Variants in CLIC6 observed in about 807,000 individuals in gnomAD.
CLIC6 encodes the protein chloride intracellular channel protein 6.
Under a neutral mutation model 49.2 loss-of-function variants are expected in CLIC6, and 39 were observed. The observed-to-expected ratio is 0.79, with a 90% CI of 0.61 to 1.04. CLIC6 has a LOEUF of 1.04. Ranked by LOEUF, CLIC6 falls within the 50% of genes least tolerant of loss-of-function variation. The pLI is 0.00. For missense variants in CLIC6, 988 were observed against 993.1 expected (o/e 0.99, Z 0.07); for synonymous variants, 446 against 433.4 (o/e 1.03, Z -0.36).
chr21:34,703,155 C>T (rs1227609195), intron 1 of CLIC6, among the ~76,000 whole-genome samples: 1 of 152,162 alleles, frequency 6.6e-6, no homozygotes, highest in Non-Finnish European at 1.5e-5. Context: ...TTTCCTGCCT[C>T]CTCGGTTGAA....
In CLIC6 at chr21:34,673,278, T is replaced by C. The variant is rs145297056; in HGVS notation, c.1374+2516T>C. Among the ~76,000 whole-genome samples, 366 of 152,004 alleles carry C rather than the reference T, an allele frequency of 2.4e-3. 2 individuals are homozygous for C. The highest frequency in any genetic ancestry group is 8.4e-3 in the African/African-American group (347 of 41,444). On this transcript the variant is annotated intron_variant, in intron 1 of 5. Coordinates refer to ENST00000349499, the MANE Select transcript of CLIC6 (RefSeq NM_053277.3). ...ACAGATAGATCTCCAAATGATGAGA[T>C]TGGTTAACTTTTTTATTTTTTTTTT...
At chr21:34,697,225 T>G (rs1422389155) in intron 1 of CLIC6, among the ~76,000 whole-genome samples, 1 of 88,998 alleles carries the variant, frequency 1.1e-5, no homozygotes, top group Non-Finnish European at 2.2e-5. Flanking sequence ...ACGCCAGTGA[T>G]TTTTTTAACT....
chr21:34,689,436 C>T (rs2145806326), intron 1 of CLIC6, among the ~76,000 whole-genome samples: 1 of 152,318 alleles, frequency 6.6e-6, no homozygotes, highest in African/African-American at 2.4e-5. Flanking sequence ...CCAGAGATGG[C>T]TTCCACGGTC....
intron 1 of CLIC6, among the ~76,000 whole-genome samples, chr21:34,701,888 C>A (rs1990197012): frequency 6.6e-6 from 1 of 152,032 alleles, no homozygotes; most frequent in African/African-American, 2.4e-5. Flanking sequence ...GCCTGGCGGA[C>A]TTGCTGCGGG....
At chr21:34,686,748 A>G (rs1195503656) in intron 1 of CLIC6, among the ~76,000 whole-genome samples, 2 of 152,140 alleles carry the variant, frequency 1.3e-5, no homozygotes, top group African/African-American at 4.8e-5. Context: ...TCTATGCAAG[A>G]TGATGGGCAT....
intron 1 of CLIC6, among the ~76,000 whole-genome samples, chr21:34,671,449 T>C (rs760878556): frequency 6.6e-6 from 1 of 152,196 alleles, no homozygotes; most frequent in Non-Finnish European, 1.5e-5. Flanking sequence ...CATCTGCTTG[T>C]ATGTCATGTT....
chr21:34,702,648 G>A (rs895187917), intron 1 of CLIC6, among the ~76,000 whole-genome samples: 3 of 152,200 alleles, frequency 2.0e-5, no homozygotes, highest in African/African-American at 7.2e-5. Flanking sequence ...TGTGTGGCTT[G>A]AAGGCCAAGA....
In CLIC6 at chr21:34,669,242, G is replaced by A. The variant is rs1217829114; in HGVS notation, c.-147G>A. The A allele has an allele frequency of 4.9e-6, 3 of 617,840 alleles. No individual in the cohort carries two copies. Among genetic ancestry groups the A allele is most frequent in the Non-Finnish European group, 7.0e-6 (3 of 427,966 alleles). 38.3% of individuals were successfully genotyped at this position (617,840 alleles called of 1,614,324 possible). On this transcript the variant is annotated 5_prime_UTR_variant, in exon 1 of 6. Coordinates refer to ENST00000349499, the MANE Select transcript of CLIC6 (RefSeq NM_053277.3). ...TGCGGGTCCTGCGCAAGGCCCCAGT[G>A]CCCCGGCTAAACCTTTGCCGCAGGA... is the stretch of plus-strand genomic sequence containing the variant.
At chr21:34,715,404 G>C (rs1023120614) in intron 5 of CLIC6, among the ~76,000 whole-genome samples, 3 of 152,194 alleles carry the variant, frequency 2.0e-5, no homozygotes, top group African/African-American at 7.2e-5. Flanking sequence ...GAGACACAGG[G>C]AGAAGGCTCT....
In CLIC6 at chr21:34,699,650, A is replaced by G. The variant is rs1184122052; in HGVS notation, c.1375-7630A>G. Among the ~76,000 whole-genome samples the G allele has an allele frequency of 2.0e-5, 3 of 152,098 alleles. No homozygotes were observed. In the East Asian group the frequency reaches 5.8e-4, roughly 29 times the overall value. On this transcript the variant is annotated intron_variant, in intron 1 of 5. Coordinates refer to ENST00000349499, the MANE Select transcript of CLIC6 (RefSeq NM_053277.3). ...TTCCTGTTCTGCAAAGGAATGGGCT[A>G]GTTTGTTCCTCCTGCATCTTGTTAT...
intron 1 of CLIC6, among the ~76,000 whole-genome samples, chr21:34,690,685 C>G (rs902199616): frequency 6.6e-6 from 1 of 152,214 alleles, no homozygotes. Context: ...TCACTGAGCA[C>G]AACTGCCCCC....
At chr21:34,711,528 CAAATAAAT>C (rs35370301) in intron 5 of CLIC6, among the ~76,000 whole-genome samples, 25,631 of 148,126 alleles carry the variant, frequency 0.17, 2,447 homozygotes, top group African/African-American at 0.22. Context: ...AATAAACAAA[CAAATAAAT>C]AAATAAATAA....
chr21:34,689,711 C>T (rs1477594874), intron 1 of CLIC6, among the ~76,000 whole-genome samples: 3 of 151,904 alleles, frequency 2.0e-5, no homozygotes, highest in Non-Finnish European at 4.4e-5. Flanking sequence ...AATACAAATG[C>T]GCCCTGAGAC....
In CLIC6 at chr21:34,670,628, A is replaced by G. The variant is rs1480153491; in HGVS notation, c.1240A>G (p.Ser414Gly). Reference protein sequence around the residue: ...RGAAEPEAQLSNHLAEEGPAE... With the variant: ...RGAAEPEAQLGNHLAEEGPAE... ...CGCCGCGGAGCCTGAGGCCCAGCTC[A>G]GCAACCACCTGGCCGAGGAGGGCCC... The change falls in exon 1 of 6, where the codon AGC becomes GGC. Residue 414 changes from serine (S) to glycine (G), a missense_variant. Ser to Gly is a moderately conservative substitution (Grantham distance 56). Transcript: ENST00000349499. The G allele has an allele frequency of 6.4e-7, 1 of 1,551,742 alleles. No homozygotes were observed. Among genetic ancestry groups the G allele is most frequent in the South Asian group, 1.2e-5 (1 of 84,702 alleles).
intron 1 of CLIC6, among the ~76,000 whole-genome samples, chr21:34,677,242 T>A (rs972536194): frequency 6.6e-6 from 1 of 152,222 alleles, no homozygotes; most frequent in Non-Finnish European, 1.5e-5. Context: ...TCTCTTATTG[T>A]TTTTTCCTGC....
intron 1 of CLIC6, among the ~76,000 whole-genome samples, chr21:34,690,941 T>C (rs752162456): frequency 6.7e-6 from 1 of 148,204 alleles, no homozygotes; most frequent in Non-Finnish European, 1.5e-5. Context: ...GTCAGGCTGG[T>C]GTTTCTCCCT....
chr21:34,710,255 G>T (rs574002557), intron 5 of CLIC6, among the ~76,000 whole-genome samples: 18 of 152,216 alleles, frequency 1.2e-4, no homozygotes, highest in African/African-American at 4.1e-4. Flanking sequence ...TCTGGCCTGG[G>T]TGACAGAGTG....
chr21:34,702,130 G>A (rs902226606), intron 1 of CLIC6, among the ~76,000 whole-genome samples: 7 of 152,194 alleles, frequency 4.6e-5, no homozygotes. Flanking sequence ...GTCATTTTGT[G>A]AGCGTTTCCT....
At chr21:34,673,948 T>C (rs1186988406) in intron 1 of CLIC6, among the ~76,000 whole-genome samples, 1 of 152,182 alleles carries the variant, frequency 6.6e-6, no homozygotes, top group Non-Finnish European at 1.5e-5. Flanking sequence ...TGCGTCTTCA[T>C]GGTGGGTTTT....
Sources: gnomAD v4.1 joint callset for allele counts (sites outside exome capture counted in the v4.1 genomes callset) on GRCh38, gnomAD v4.1.1 for gene constraint, MANE v1.5 for transcripts, NCBI Gene and HGNC (gene_info 2026-07-23, HGNC 2026-07-21) for gene names.